ANO4: variants seen among roughly 807,000 people sequenced by gnomAD.
The protein encoded by ANO4 is anoctamin 4.
Under a neutral mutation model 141.9 loss-of-function variants are expected in ANO4, and 69 were observed. The observed-to-expected ratio is 0.49, with a 90% CI of 0.40 to 0.59. The LOEUF (loss-of-function observed/expected upper bound fraction) is 0.59. Ranked by LOEUF, ANO4 falls within the 20% of genes least tolerant of loss-of-function variation. ANO4 has a pLI of 0.00. For synonymous variants in ANO4, 350 were observed against 394.3 expected (o/e 0.89, Z 1.33); for missense variants, 894 against 1,162.2 (o/e 0.77, Z 3.36).
chr12:100,875,958 C>A lies in ANO4; in HGVS notation c.-140-25688C>A, dbSNP rs531788167. Among the ~76,000 whole-genome samples the A allele has an allele frequency of 3.4e-5, 5 of 147,346 alleles. 1 individual carries two copies. The highest frequency in any genetic ancestry group is 1.2e-4 in the African/African-American group (5 of 40,958). The stretch of plus-strand genomic sequence containing the variant: ...GATGCCAAAGAGTCAGTTGAATAAA[C>A]AAATCTTAATTTTTAAACAAAGTAC... On this transcript the variant is annotated intron_variant, in intron 1 of 27. Coordinates refer to ENST00000392977, the MANE Select transcript of ANO4 (RefSeq NM_001286615.2).
At chr12:100,842,774 T>C (rs1488187040) in intron 1 of ANO4, among the ~76,000 whole-genome samples, 1 of 152,026 alleles carries the variant, frequency 6.6e-6, no homozygotes. Context: ...CCTACCTCGA[T>C]CCCTTTAGCC....
Position 100,946,969 on chromosome 12 carries a change from G to C in ANO4, c.456+4434G>C, listed in dbSNP as rs1055648228. ...AGCTGAAAGTTAATTATTGGATTTA[G>C]CAATATGGCAGGTTTGGGTGGTCTG... On this transcript the variant is annotated intron_variant, in intron 5 of 27. Coordinates refer to ENST00000392977, the MANE Select transcript of ANO4 (RefSeq NM_001286615.2). 2.6e-5 allele frequency among the ~76,000 whole-genome samples: 4 copies of C among 152,180 alleles called. No homozygotes were observed. The South Asian group carries it at 8.3e-4, about 32-fold the overall frequency.
chr12:100,936,457 T>C (rs1426197729), intron 3 of ANO4, among the ~76,000 whole-genome samples: 1 of 152,168 alleles, frequency 6.6e-6, no homozygotes, highest in Non-Finnish European at 1.5e-5. Context: ...CTGGTCCCAG[T>C]TGAGAACCAC....
chr12:100,831,934 A>G (rs995435768), intron 1 of ANO4, among the ~76,000 whole-genome samples: 1 of 152,050 alleles, frequency 6.6e-6, no homozygotes, highest in Non-Finnish European at 1.5e-5. Flanking sequence ...GAAAATATTG[A>G]TTGTTAATAT....
At chr12:100,721,293 C>T (rs1446314258) in intron 1 of ANO4, among the ~76,000 whole-genome samples, 2 of 152,228 alleles carry the variant, frequency 1.3e-5, no homozygotes, top group South Asian at 2.1e-4. Context: ...TAAGATCTCC[C>T]GCTGTTTCTG....
chr12:100,873,364 T>TC, intron 1 of ANO4, among the ~76,000 whole-genome samples: 1 of 152,134 alleles, frequency 6.6e-6, no homozygotes, highest in Non-Finnish European at 1.5e-5. Context: ...CTTGTTAAGT[T>TC]GTTGTAACCA....
At chr12:100,736,806 G>C (rs1365952438) in intron 2 of ANO4, among the ~76,000 whole-genome samples, 1 of 152,096 alleles carries the variant, frequency 6.6e-6, no homozygotes, top group Non-Finnish European at 1.5e-5. Flanking sequence ...AGATATGAGT[G>C]ATGCATCTCC....
At chr12:100,936,612 C>T (rs907834880) in intron 3 of ANO4, among the ~76,000 whole-genome samples, 3 of 152,136 alleles carry the variant, frequency 2.0e-5, no homozygotes, top group East Asian at 3.9e-4. Context: ...GAGCCAGTCA[C>T]CTAGACATGA....
chr12:100,729,620 A>C (rs958622479), intron 1 of ANO4, among the ~76,000 whole-genome samples: 1 of 152,052 alleles, frequency 6.6e-6, no homozygotes, highest in Non-Finnish European at 1.5e-5. Flanking sequence ...CATTAATCTC[A>C]TTCATAGTCT....
chr12:100,946,400 C>T (rs975344731), intron 5 of ANO4, among the ~76,000 whole-genome samples: 2 of 152,096 alleles, frequency 1.3e-5, no homozygotes, highest in African/African-American at 2.4e-5. Context: ...TTAGGAGATT[C>T]GTTGCAAGAA....
At chr12:100,896,709 A>G (rs2040370607) in intron 1 of ANO4, among the ~76,000 whole-genome samples, 1 of 152,226 alleles carries the variant, frequency 6.6e-6, no homozygotes, top group African/African-American at 2.4e-5. Flanking sequence ...GGAGGTAGCA[A>G]GAAGCTTAAG....
At chr12:100,974,815 C>T (rs1175888507) in intron 6 of ANO4, 30 bp from the exon 7 acceptor site, 3 of 1,613,258 alleles carry the variant, frequency 1.9e-6, no homozygotes, top group Non-Finnish European at 2.5e-6. Flanking sequence ...GTTTTCTTCT[C>T]GACTGGCTTC....
At chr12:100,915,701 C>G (rs1041988228) in intron 2 of ANO4, among the ~76,000 whole-genome samples, 3 of 152,102 alleles carry the variant, frequency 2.0e-5, no homozygotes, top group Admixed American at 2.0e-4. Flanking sequence ...GCACCTAGAT[C>G]TAACATGATG....
intron 12 of ANO4, among the ~76,000 whole-genome samples, chr12:101,042,954 T>G (rs1167061182): frequency 6.6e-6 from 1 of 152,194 alleles, no homozygotes; most frequent in Non-Finnish European, 1.5e-5. Flanking sequence ...ACAGAGATCT[T>G]GTTGCAAGGC....
intron 1 of ANO4, among the ~76,000 whole-genome samples, chr12:100,847,374 T>A (rs1244339560): frequency 6.6e-6 from 1 of 152,222 alleles, no homozygotes; most frequent in African/African-American, 2.4e-5. Flanking sequence ...AAGTGTATCT[T>A]TGTATGGTAG....
At chr12:100,876,361 G>A (rs1025857465) in intron 1 of ANO4, among the ~76,000 whole-genome samples, 1 of 152,096 alleles carries the variant, frequency 6.6e-6, no homozygotes, top group African/African-American at 2.4e-5. Context: ...AGGGTGGAGT[G>A]GGGGAGGATA....
At chr12:101,027,608 G>A (rs868860921) in intron 9 of ANO4, among the ~76,000 whole-genome samples, 77 of 152,162 alleles carry the variant, frequency 5.1e-4, no homozygotes, top group African/African-American at 1.7e-3. Context: ...CAACAAGAGC[G>A]CCTCTTCAGG....
intron 2 of ANO4, among the ~76,000 whole-genome samples, chr12:100,919,401 C>T (rs1175985507): frequency 6.6e-6 from 1 of 152,012 alleles, no homozygotes; most frequent in East Asian, 1.9e-4. Context: ...ATCTTTTATA[C>T]TCGATTTTTA....
intron 22 of ANO4, among the ~76,000 whole-genome samples, chr12:101,101,923 A>C (rs1262217190): frequency 6.6e-6 from 1 of 152,088 alleles, no homozygotes; most frequent in Non-Finnish European, 1.5e-5. Context: ...TCTGTACTGA[A>C]AGATACAAAA....
Sources: gnomAD v4.1 joint callset for allele counts (sites outside exome capture counted in the v4.1 genomes callset) on GRCh38, gnomAD v4.1.1 for gene constraint, MANE v1.5 for transcripts, NCBI Gene and HGNC (gene_info 2026-07-23, HGNC 2026-07-21) for gene names.